HHIP: variants seen among roughly 807,000 people sequenced by gnomAD.
HHIP encodes the protein hedgehog interacting protein.
A neutral mutation model predicts 74.0 loss-of-function variants in HHIP; 12 were observed. The ratio of observed to expected loss-of-function variants is 0.16; its 90% CI spans 0.10 to 0.26. The LOEUF is 0.26. Ranked by LOEUF, HHIP falls within the 10% of genes least tolerant of loss-of-function variation. HHIP has a pLI of 1.00. For missense variants in HHIP, 788 were observed against 845.0 expected (o/e 0.93, Z 0.84); for synonymous variants, 309 against 311.6 (o/e 0.99, Z 0.09).
Position 144,741,708 on chromosome 4 carries a change from T to TAA in HHIP, c.*3751_*3752insAA, listed in dbSNP as rs1409109453. 6.6e-6 allele frequency: 1 copy of TAA among 152,132 alleles called. No homozygotes were observed. The highest frequency in any genetic ancestry group is 1.5e-5 in the Non-Finnish European group (1 of 68,038). 9.4% of individuals were successfully genotyped at this position (152,132 alleles called of 1,614,324 possible). A position where few individuals can be genotyped will look rare whatever the true frequency, so the allele number is the denominator to read the frequency against. On this transcript the variant is annotated 3_prime_UTR_variant, in exon 13 of 13. Transcript: ENST00000296575. ...CCATTTGCTTTTGATATTGTTTTTA[T>TAA]CTCTGAGTTACAAACTATACAAGCT...
At chr4:144,672,043 A>T (rs932206616) in intron 4 of HHIP, among the ~76,000 whole-genome samples, 1 of 152,108 alleles carries the variant, frequency 6.6e-6, no homozygotes. Context: ...CTTGTTCTAC[A>T]ATTCTGAGGA....
rs1051251394 is a variant in HHIP, at chr4:144,740,908, A to T, written c.*2951A>T. On this transcript the variant is annotated 3_prime_UTR_variant, in exon 13 of 13. Coordinates refer to ENST00000296575, the MANE Select transcript of HHIP (RefSeq NM_022475.3). The stretch of plus-strand genomic sequence containing the variant: ...TCAGTTGAATGTGAAATGATGTTAT[A>T]GTTGTTTTAAATGGTTGGAAATAAC... 1 of 152,208 alleles carries T rather than the reference A, an allele frequency of 6.6e-6. No homozygotes were observed. The highest frequency in any genetic ancestry group is 1.5e-5 in the Non-Finnish European group (1 of 68,020). The allele number at this position is 152,208 out of a possible 1,614,324, so 9.4% of individuals were successfully genotyped here. A position where few individuals can be genotyped will look rare whatever the true frequency, so the allele number is the denominator to read the frequency against.
intron 4 of HHIP, among the ~76,000 whole-genome samples, chr4:144,697,316 C>A (rs1461647775): frequency 6.6e-6 from 1 of 151,798 alleles, no homozygotes; most frequent in Non-Finnish European, 1.5e-5. Context: ...GATTTTTATG[C>A]TTTTTGGAGG....
chr4:144,699,655 C>T (rs894361238), intron 4 of HHIP, among the ~76,000 whole-genome samples: 3 of 151,810 alleles, frequency 2.0e-5, no homozygotes, highest in Non-Finnish European at 4.4e-5. Flanking sequence ...GTGATTAAAG[C>T]GGCTCCTTAC....
intron 10 of HHIP, among the ~76,000 whole-genome samples, chr4:144,716,367 C>A (rs1730444146): frequency 6.6e-6 from 1 of 152,074 alleles, no homozygotes; most frequent in Non-Finnish European, 1.5e-5. Flanking sequence ...AGTTTCAGAG[C>A]CACAGGAATA....
chr4:144,646,244 C>G lies in HHIP; in HGVS notation c.-432C>G, dbSNP rs1024166332. On this transcript the variant is annotated 5_prime_UTR_variant, in exon 1 of 13. Coordinates refer to ENST00000296575, the MANE Select transcript of HHIP (RefSeq NM_022475.3). ...AGCGCTGGCCCTGCCTCCGCCTGCC[C>G]CGCCGCCGCCGTCGCCGTTTCTGTT... is the stretch of plus-strand genomic sequence containing the variant. The G allele has an allele frequency of 6.0e-6, 1 of 165,806 alleles. No homozygotes were observed. The highest frequency in any genetic ancestry group is 1.3e-5 in the Non-Finnish European group (1 of 77,056). 10.3% of individuals were successfully genotyped at this position (165,806 alleles called of 1,614,324 possible).
intron 4 of HHIP, among the ~76,000 whole-genome samples, chr4:144,663,770 A>G (rs1728781824): frequency 6.6e-6 from 1 of 152,166 alleles, no homozygotes; most frequent in Non-Finnish European, 1.5e-5. Context: ...TCTGGTGCTC[A>G]GCTAGTTGGC....
In HHIP at chr4:144,739,283, C is replaced by T. The variant is rs1207981723; in HGVS notation, c.*1326C>T. Reference sequence around the variant, plus strand: ...CATGGTTTTCAAAGCCAGCTCTCCACGTTTGGATTTTAACAAAATATAAGG... The same window carrying T: ...CATGGTTTTCAAAGCCAGCTCTCCATGTTTGGATTTTAACAAAATATAAGG... On this transcript the variant is annotated 3_prime_UTR_variant, in exon 13 of 13. Transcript: ENST00000296575. 6.6e-6 allele frequency: 1 copy of T among 152,196 alleles called. No individual in the cohort carries two copies. The highest frequency in any genetic ancestry group is 2.4e-5 in the African/African-American group (1 of 41,462). The allele number at this position is 152,196 out of a possible 1,614,324, so 9.4% of individuals were successfully genotyped here. A position where few individuals can be genotyped will look rare whatever the true frequency, so the allele number is the denominator to read the frequency against.
chr4:144,703,835 TCTAA>T (rs1730056476), intron 4 of HHIP, among the ~76,000 whole-genome samples: 5 of 152,194 alleles, frequency 3.3e-5, no homozygotes, highest in Admixed American at 3.3e-4. Flanking sequence ...TGGTGTGGCC[TCTAA>T]CTGACCCTGG....
intron 11 of HHIP, among the ~76,000 whole-genome samples, chr4:144,734,144 G>C (rs1441103256): frequency 6.6e-6 from 1 of 150,982 alleles, no homozygotes; most frequent in Non-Finnish European, 1.5e-5. Flanking sequence ...CAACTCAATA[G>C]TATACACACA....
intron 4 of HHIP, among the ~76,000 whole-genome samples, chr4:144,687,360 T>G (rs979410609): frequency 9.2e-5 from 14 of 152,202 alleles, no homozygotes; most frequent in African/African-American, 3.1e-4. Flanking sequence ...GAATGTAGTA[T>G]CTGGCAAATC....
At chr4:144,684,230 GA>G (rs1729420445) in intron 4 of HHIP, among the ~76,000 whole-genome samples, 1 of 74,628 alleles carries the variant, frequency 1.3e-5, no homozygotes, top group African/African-American at 5.0e-5. Context: ...AAAAAAAAAA[GA>G]ATTTTTTTTT....
chr4:144,702,583 C>T (rs1017865790), intron 4 of HHIP, among the ~76,000 whole-genome samples: 7 of 152,052 alleles, frequency 4.6e-5, no homozygotes, highest in African/African-American at 1.7e-4. Context: ...GTAGGGCTGT[C>T]CAGAAGTTGA....
chr4:144,692,378 A>G (rs1729698478), intron 4 of HHIP, among the ~76,000 whole-genome samples: 1 of 152,046 alleles, frequency 6.6e-6, no homozygotes, highest in African/African-American at 2.4e-5. Context: ...AGGTACACAT[A>G]TTTCTGTACT....
intron 4 of HHIP, among the ~76,000 whole-genome samples, chr4:144,702,376 G>A (rs1235844595): frequency 6.6e-6 from 1 of 152,146 alleles, no homozygotes; most frequent in Non-Finnish European, 1.5e-5. Flanking sequence ...TCTATTTTCT[G>A]TGGACCCTGT....
At chr4:144,653,703 T>G (rs1728485790) in intron 2 of HHIP, among the ~76,000 whole-genome samples, 2 of 152,182 alleles carry the variant, frequency 1.3e-5, no homozygotes, top group Non-Finnish European at 2.9e-5. Context: ...AGAGAATTTT[T>G]TTAAGTGCTA....
intron 7 of HHIP, among the ~76,000 whole-genome samples, chr4:144,710,970 A>G (rs1358693559): frequency 1.3e-5 from 2 of 152,190 alleles, no homozygotes; most frequent in East Asian, 3.8e-4. Flanking sequence ...TGATTGAAAC[A>G]TTCCACAAAC....
intron 10 of HHIP, among the ~76,000 whole-genome samples, chr4:144,717,286 C>G (rs1373156784): frequency 6.6e-6 from 1 of 152,032 alleles, no homozygotes; most frequent in African/African-American, 2.4e-5. Flanking sequence ...ACTATAAAGT[C>G]AGGATGGATT....
intron 12 of HHIP, among the ~76,000 whole-genome samples, chr4:144,736,271 G>T (rs1731118099): frequency 6.6e-6 from 1 of 151,482 alleles, no homozygotes; most frequent in Non-Finnish European, 1.5e-5. Context: ...GAGTAGCTTG[G>T]ATTATAGGCG....
Sources: allele counts gnomAD v4.1 joint callset (sites outside exome capture counted in the v4.1 genomes callset), GRCh38; gene constraint gnomAD v4.1.1; transcripts MANE v1.5; gene names NCBI Gene and HGNC (gene_info 2026-07-23, HGNC 2026-07-21).